PTPRT: variants seen among roughly 807,000 people sequenced by gnomAD.
PTPRT encodes protein tyrosine phosphatase receptor type T, also known as receptor-type tyrosine-protein phosphatase T.
PTPRT carries 56 observed loss-of-function variants against 176.8 expected under a neutral mutation model. That is an observed-to-expected ratio of 0.32 (90% CI 0.26 to 0.40). The LOEUF (loss-of-function observed/expected upper bound fraction) is 0.40, where lower values mean the gene tolerates loss of function less well. PTPRT is among the 10% of genes least tolerant of loss of function. The pLI, the probability that PTPRT is intolerant of heterozygous loss-of-function variation, is 1.00. For missense variants in PTPRT, 1,540 were observed against 1,908.2 expected (o/e 0.81, Z 3.60); for synonymous variants, 783 against 739.0 (o/e 1.06, Z -0.96).
chr20:43,013,972 T>C (rs1382376681), intron 1 of PTPRT, among the ~76,000 whole-genome samples: 1 of 152,206 alleles, frequency 6.6e-6, no homozygotes, highest in Non-Finnish European at 1.5e-5. Flanking sequence ...CTGAACATAA[T>C]AAGGCGAGGT....
rs142996956 is a variant in PTPRT, at chr20:42,547,400, G to GA, written c.1154-74839dup. 1.3e-4 allele frequency among the ~76,000 whole-genome samples: 20 copies of GA among 151,240 alleles called. No individual in the cohort carries two copies. The South Asian group carries it at 1.7e-3, about 13-fold the overall frequency. ...ATATGTGATAGAAACACTGTAAAAT[G>GA]AAAAAAAAATATATTATTTAGAGAC... On this transcript the variant is annotated intron_variant, in intron 7 of 30. Coordinates refer to ENST00000373187, the MANE Select transcript of PTPRT (RefSeq NM_007050.6).
At chr20:42,825,494 C>T (rs919394484) in intron 2 of PTPRT, among the ~76,000 whole-genome samples, 4 of 152,044 alleles carry the variant, frequency 2.6e-5, no homozygotes, top group African/African-American at 4.8e-5. Context: ...GGACTTATAG[C>T]TTGCACCTAA....
intron 1 of PTPRT, among the ~76,000 whole-genome samples, chr20:43,164,437 A>G (rs2014798787): frequency 6.6e-6 from 1 of 152,244 alleles, no homozygotes; most frequent in Non-Finnish European, 1.5e-5. Context: ...AGCTGATACC[A>G]TTAACCTATT....
At chr20:42,288,603 C>A (rs1568742016) in intron 12 of PTPRT, among the ~76,000 whole-genome samples, 1 of 151,920 alleles carries the variant, frequency 6.6e-6, no homozygotes, top group South Asian at 2.1e-4. Context: ...ACTTACAAGA[C>A]AGAACATGTG....
rs1356630178 is a variant in PTPRT, at chr20:42,576,970, T to C, written c.1153+100896A>G. Among the ~76,000 whole-genome samples the C allele has an allele frequency of 2.0e-5, 3 of 152,080 alleles. No homozygotes were observed. The East Asian group carries it at 5.8e-4, about 29-fold the overall frequency. ...TTTTGATACAGTGTGGCAAATGCTA[T>C]CATAAATGAATGGTCAGGGACAATG... On this transcript the variant is annotated intron_variant, in intron 7 of 30. Coordinates refer to ENST00000373187, the MANE Select transcript of PTPRT (RefSeq NM_007050.6).
intron 12 of PTPRT, among the ~76,000 whole-genome samples, chr20:42,297,014 A>C (rs1401416429): frequency 6.6e-6 from 1 of 152,158 alleles, no homozygotes; most frequent in Non-Finnish European, 1.5e-5. Flanking sequence ...AAAGGTGAAC[A>C]AAATAATTTT....
In PTPRT at chr20:42,315,969, C is replaced by T. The variant is rs1200448143; in HGVS notation, c.1893G>A (p.Glu631=). 3 of 1,613,972 alleles carry T rather than the reference C, an allele frequency of 1.9e-6. No homozygotes were observed. Among genetic ancestry groups the T allele is most frequent in the Non-Finnish European group, 2.5e-6 (3 of 1,179,992 alleles). Residue 631 remains glutamate, a synonymous_variant, in exon 12 of 31, where the codon GAG becomes GAA. Transcript: ENST00000373187. ...CTGCCCTCCGTGACTTCTGAAGTCG[C>T]TCCTCCTTGACAACCAGCTGATAAA... ...VSVYQLVVKE[E]RLQKSRRAAD...
At chr20:42,468,275 A>G (rs965437854) in intron 8 of PTPRT, among the ~76,000 whole-genome samples, 1 of 152,144 alleles carries the variant, frequency 6.6e-6, no homozygotes, top group Non-Finnish European at 1.5e-5. Flanking sequence ...TGGCTCCCGG[A>G]GGGGGGTTTC....
chr20:42,511,037 C>G (rs2071945651), intron 7 of PTPRT, among the ~76,000 whole-genome samples: 1 of 152,004 alleles, frequency 6.6e-6, no homozygotes, highest in African/African-American at 2.4e-5. Flanking sequence ...GGGAAGGGAA[C>G]TGATGACTTT....
chr20:42,694,557 G>A (rs2075844013), intron 6 of PTPRT, among the ~76,000 whole-genome samples: 1 of 152,106 alleles, frequency 6.6e-6, no homozygotes, highest in African/African-American at 2.4e-5. Context: ...TTTTTCTGGG[G>A]TAAATTCCTT....
At chr20:42,964,335 G>GA (rs927824144) in intron 1 of PTPRT, among the ~76,000 whole-genome samples, 9 of 151,668 alleles carry the variant, frequency 5.9e-5, no homozygotes, top group African/African-American at 1.7e-4. Context: ...AATGTCAATA[G>GA]AAAAAAAATG....
chr20:42,257,636 T>TC (rs1485904252), intron 13 of PTPRT, among the ~76,000 whole-genome samples: 720 of 6,460 alleles, frequency 0.11, 4 homozygotes, highest in South Asian at 0.17. Context: ...GTGTAGCACC[T>TC]CCCCCCACCC....
chr20:42,703,926 A>G (rs2076012197), intron 6 of PTPRT, among the ~76,000 whole-genome samples: 1 of 152,144 alleles, frequency 6.6e-6, no homozygotes, highest in African/African-American at 2.4e-5. Context: ...CAACTTTCTC[A>G]CCCAGGCCAT....
intron 11 of PTPRT, among the ~76,000 whole-genome samples, chr20:42,317,827 C>T (rs1240871508): frequency 6.6e-6 from 1 of 152,196 alleles, no homozygotes; most frequent in African/African-American, 2.4e-5. Context: ...ATATGCCACA[C>T]TTAGATGAGT....
chr20:42,259,287 G>A (rs191881941), intron 13 of PTPRT, among the ~76,000 whole-genome samples: 13 of 152,316 alleles, frequency 8.5e-5, no homozygotes, highest in Admixed American at 2.0e-4. Flanking sequence ...TCTTCTGGAT[G>A]TAAGAAAACT....
intron 23 of PTPRT, 83 bp downstream of exon 23, chr20:42,110,250 C>T: frequency 2.3e-6 from 3 of 1,321,632 alleles, no homozygotes; most frequent in Non-Finnish European, 2.1e-6. Context: ...CGAGGTTTCA[C>T]CACGTTGGCC....
At chr20:42,226,384 C>T (rs1033677120) in intron 15 of PTPRT, among the ~76,000 whole-genome samples, 6 of 152,168 alleles carry the variant, frequency 3.9e-5, no homozygotes, top group African/African-American at 1.2e-4. Context: ...GGGCTTTTTC[C>T]TGCTTGGCAC....
chr20:42,959,967 C>T (rs1981893793), intron 1 of PTPRT, among the ~76,000 whole-genome samples: 1 of 152,090 alleles, frequency 6.6e-6, no homozygotes, highest in Non-Finnish European at 1.5e-5. Context: ...GCTCAGGTTC[C>T]TAGAACAACA....
At position 42,098,436 on chromosome 20, in the gene PTPRT, C is replaced by G. The variant is rs1361050484; in HGVS notation, c.3831G>C (p.Glu1277Asp). The G allele has an allele frequency of 1.2e-6, 2 of 1,614,152 alleles. No individual in the cohort carries two copies. The highest frequency in any genetic ancestry group is 1.1e-5 in the South Asian group (1 of 91,076). Residue 1277 changes from glutamate to aspartate, a missense_variant, in exon 27 of 31, where the codon GAG becomes GAC. Physicochemically the swap from Glu to Asp is conservative, Grantham distance 45 (BLOSUM62 2). Transcript: ENST00000373187. ...YNCSSVVMLN[E>D]MDTAQFCMQY... ...CTCCTCCTACCTGGGCAGTGTCCAT[C>G]TCATTCAGCATCACCACAGAGGAGC...
Sources: allele counts gnomAD v4.1 joint callset (sites outside exome capture counted in the v4.1 genomes callset), GRCh38; gene constraint gnomAD v4.1.1; transcripts MANE v1.5; gene names NCBI Gene and HGNC (gene_info 2026-07-23, HGNC 2026-07-21).